CREBBP: variants seen among roughly 807,000 people sequenced by gnomAD.
CREBBP encodes CREB binding lysine acetyltransferase.
Under a neutral mutation model 265.0 loss-of-function variants are expected in CREBBP, and 19 were observed. The observed-to-expected ratio is 0.07, with a 90% CI of 0.05 to 0.11. The LOEUF (loss-of-function observed/expected upper bound fraction) is 0.11. Ranked by LOEUF, CREBBP falls within the 10% of genes least tolerant of loss-of-function variation. CREBBP has a pLI of 1.00. For synonymous variants in CREBBP, 1,457 were observed against 1,223.7 expected (o/e 1.19, Z -3.98); for missense variants, 2,525 against 3,219.0 (o/e 0.78, Z 5.22).
chr16:3,837,958 C>T (rs543915111), intron 2 of CREBBP, among the ~76,000 whole-genome samples: 1 of 152,276 alleles, frequency 6.6e-6, no homozygotes, highest in South Asian at 2.1e-4. Context: ...CCTGCAAACA[C>T]CATTCATAGT....
At chr16:3,833,341 G>A (rs999025536) in intron 2 of CREBBP, among the ~76,000 whole-genome samples, 2 of 152,246 alleles carry the variant, frequency 1.3e-5, no homozygotes, top group African/African-American at 2.4e-5. Flanking sequence ...GAGCCCCAGA[G>A]GTGGAGGTTG....
intron 16 of CREBBP, among the ~76,000 whole-genome samples, chr16:3,762,954 T>C (rs1473283936): frequency 1.3e-5 from 2 of 151,880 alleles, no homozygotes; most frequent in Non-Finnish European, 2.9e-5. Context: ...TTTTGTACTT[T>C]TAGTAGAGAC....
intron 19 of CREBBP, among the ~76,000 whole-genome samples, chr16:3,754,121 G>GA (rs2052535439): frequency 1.4e-5 from 2 of 144,092 alleles, no homozygotes; most frequent in African/African-American, 5.9e-5. Flanking sequence ...CAGAACCGGG[G>GA]AGGCAAAGCA....
At chr16:3,738,521 G>T (rs2151333849) in intron 26 of CREBBP, 38 bp downstream of exon 26, 1 of 1,215,802 alleles carries the variant, frequency 8.2e-7, no homozygotes, top group Non-Finnish European at 1.2e-6. Flanking sequence ...AAAAATAAAG[G>T]GTTCTTACTA....
chr16:3,813,206 C>T (rs200996930), intron 2 of CREBBP: 1 of 227,990 alleles, frequency 4.4e-6, no homozygotes, highest in Non-Finnish European at 8.7e-6. Flanking sequence ...GATTTCCTTC[C>T]CCATGTAGTC....
chr16:3,753,697 A>C (rs1371443751), intron 19 of CREBBP, among the ~76,000 whole-genome samples: 2 of 152,196 alleles, frequency 1.3e-5, no homozygotes, highest in Non-Finnish European at 2.9e-5. Flanking sequence ...AAGTACAGAA[A>C]CTATAAACCA....
chr16:3,743,665 T>C (rs552653176), intron 23 of CREBBP: 6 of 152,372 alleles, frequency 3.9e-5, no homozygotes, highest in African/African-American at 1.4e-4. Context: ...GTTTGCTGGT[T>C]AACTCGGCAA....
At chr16:3,774,364 T>G (rs1053220367) in intron 12 of CREBBP, among the ~76,000 whole-genome samples, 10 of 152,236 alleles carry the variant, frequency 6.6e-5, no homozygotes, top group Admixed American at 6.5e-4. Flanking sequence ...TCCTATGAAT[T>G]TGTTATTCCA....
intron 2 of CREBBP, among the ~76,000 whole-genome samples, chr16:3,846,738 TCTTTATGTCTG>T (rs1010272758): frequency 2.0e-5 from 3 of 152,200 alleles, no homozygotes; most frequent in Non-Finnish European, 4.4e-5. Flanking sequence ...GTAATGCTAC[TCTTTATGTCTG>T]GGGAGATAGC....
chr16:3,734,406 G>A (rs1479168232), intron 28 of CREBBP, among the ~76,000 whole-genome samples: 2 of 152,066 alleles, frequency 1.3e-5, no homozygotes, highest in African/African-American at 2.4e-5. Flanking sequence ...GCATGTCCCC[G>A]GTGCACAGGG....
intron 2 of CREBBP, among the ~76,000 whole-genome samples, chr16:3,836,589 G>C (rs930743045): frequency 2.6e-5 from 4 of 152,010 alleles, no homozygotes; most frequent in African/African-American, 9.7e-5. Context: ...ATGGGTAAAG[G>C]GTTTTGACAA....
Position 3,726,768 on chromosome 16 carries a change from G to C in CREBBP, c.*950C>G, listed in dbSNP as rs959951062. 1 of 233,436 alleles carries C rather than the reference G, an allele frequency of 4.3e-6. No homozygotes were observed. The highest frequency in any genetic ancestry group is 8.5e-6 in the Non-Finnish European group (1 of 117,992). The allele number at this position is 233,436 out of a possible 1,614,324, so 14.5% of individuals were successfully genotyped here. ...CAGCATTTTCATAACAAAAAACCCC[G>C]AACACTAAGTGTTAATACCATGTAC... On this transcript the variant is annotated 3_prime_UTR_variant, in exon 31 of 31. Coordinates refer to ENST00000262367, the MANE Select transcript of CREBBP (RefSeq NM_004380.3).
chr16:3,776,804 C>T (rs1257964015), intron 11 of CREBBP, among the ~76,000 whole-genome samples: 3 of 150,928 alleles, frequency 2.0e-5, no homozygotes, highest in South Asian at 2.1e-4. Context: ...CAAGTTCACG[C>T]GATTGAGACC....
chr16:3,801,171 T>A (rs2053704898), intron 3 of CREBBP, among the ~76,000 whole-genome samples: 1 of 152,090 alleles, frequency 6.6e-6, no homozygotes, highest in Non-Finnish European at 1.5e-5. Flanking sequence ...AAAGCCCCAA[T>A]CCTGCAGCTC....
intron 3 of CREBBP, among the ~76,000 whole-genome samples, chr16:3,798,047 C>T (rs1313937031): frequency 6.6e-6 from 1 of 152,166 alleles, no homozygotes; most frequent in Non-Finnish European, 1.5e-5. Context: ...AAATGTTCTA[C>T]ACCTTGGTGC....
At position 3,850,384 on chromosome 16, in the gene CREBBP, G is replaced by A. The variant is rs146049063; in HGVS notation, c.711C>T (p.Ser237=). The change falls in exon 2 of 31, where the codon AGC becomes AGT. Residue 237 remains serine (S), a synonymous_variant. Transcript: ENST00000262367. ...CCTGCGTTAGGGTCTCAGCCAGCAC[G>A]CTGCTCGAGGCGCCCTGCATGGCTG... ...PTPAMQGASS[S]VLAETLTQVS... is the part of the protein sequence containing the mutation. 4.8e-5 allele frequency: 77 copies of A among 1,614,244 alleles called. No homozygotes were observed. The highest frequency in any genetic ancestry group is 3.3e-4 in the Middle Eastern group (2 of 6,062).
intron 3 of CREBBP, among the ~76,000 whole-genome samples, chr16:3,801,494 C>A (rs1005923142): frequency 6.6e-6 from 1 of 152,098 alleles, no homozygotes; most frequent in Non-Finnish European, 1.5e-5. Flanking sequence ...CATGGTGAAA[C>A]CCCATTTCTA....
intron 9 of CREBBP, 90 bp from the exon 10 acceptor site, chr16:3,778,272 C>T (rs907802205): frequency 9.2e-7 from 1 of 1,083,658 alleles, no homozygotes; most frequent in African/African-American, 1.6e-5. Context: ...AATGAACTTC[C>T]TCATTGAGTA....
chr16:3,774,028 G>A (rs921247048), intron 12 of CREBBP, 98 bp from the exon 13 acceptor site: 19 of 1,352,546 alleles, frequency 1.4e-5, no homozygotes, highest in Non-Finnish European at 1.7e-5. Flanking sequence ...CAACCCCAGA[G>A]GATGGCAAGC....
Sources: allele counts gnomAD v4.1 joint callset (sites outside exome capture counted in the v4.1 genomes callset), GRCh38; gene constraint gnomAD v4.1.1; transcripts MANE v1.5; gene names NCBI Gene and HGNC (gene_info 2026-07-23, HGNC 2026-07-21).